ARB2A: variants seen among roughly 807,000 people sequenced by gnomAD.
The protein encoded by ARB2A is ARB2 cotranscriptional regulator A, also known as cotranscriptional regulator ARB2A.
At chr5:93,622,730 G>A in the ARB2A span, among the ~76,000 whole-genome samples, 1 of 152,240 alleles carries the variant, frequency 6.6e-6, no homozygotes, top group East Asian at 1.9e-4. Flanking sequence ...CATTTTATTT[G>A]CTTACTCATT....
At chr5:93,730,081 G>C in the ARB2A span, among the ~76,000 whole-genome samples, 1 of 152,082 alleles carries the variant, frequency 6.6e-6, no homozygotes, top group African/African-American at 2.4e-5. Flanking sequence ...AAGAAACTCA[G>C]TTTAAAAATA....
chr5:93,659,536 G>C, the ARB2A span, among the ~76,000 whole-genome samples: 1 of 152,172 alleles, frequency 6.6e-6, no homozygotes, highest in East Asian at 1.9e-4. Flanking sequence ...GTCTTGATCA[G>C]ACAGAAAAAA....
chr5:93,880,639 T>A, the ARB2A span, among the ~76,000 whole-genome samples: 2 of 151,744 alleles, frequency 1.3e-5, no homozygotes, highest in African/African-American at 4.8e-5. Context: ...ACTTCTAGCA[T>A]CCATAATAAG....
the ARB2A span, among the ~76,000 whole-genome samples, chr5:93,682,310 CT>C: frequency 4.0e-5 from 6 of 150,666 alleles, no homozygotes; most frequent in South Asian, 1.1e-3. Flanking sequence ...ATGTGTGTGG[CT>C]TACTAATATT....
the ARB2A span, among the ~76,000 whole-genome samples, chr5:93,897,157 C>T: frequency 6.6e-6 from 1 of 151,746 alleles, no homozygotes. Context: ...CAGGAGTGTC[C>T]AAAATATCCC....
At chr5:93,996,345 G>A in the ARB2A span, among the ~76,000 whole-genome samples, 1 of 151,828 alleles carries the variant, frequency 6.6e-6, no homozygotes, top group African/African-American at 2.4e-5. Flanking sequence ...ATATAAATAC[G>A]GACAAATAAT....
the ARB2A span, among the ~76,000 whole-genome samples, chr5:93,875,186 C>T: frequency 2.6e-5 from 4 of 151,994 alleles, no homozygotes; most frequent in South Asian, 6.2e-4. Flanking sequence ...AACTTGAGGT[C>T]ACACTATATT....
At chr5:94,067,949 C>T in the ARB2A span, among the ~76,000 whole-genome samples, 2 of 152,160 alleles carry the variant, frequency 1.3e-5, no homozygotes, top group African/African-American at 4.8e-5. Context: ...ACCAAAACAG[C>T]ATAATATTAT....
the ARB2A span, among the ~76,000 whole-genome samples, chr5:93,947,390 T>C: frequency 6.6e-6 from 1 of 152,280 alleles, no homozygotes; most frequent in East Asian, 1.9e-4. Flanking sequence ...CCCTACCTGG[T>C]ACCTTTAGCA....
the ARB2A span, among the ~76,000 whole-genome samples, chr5:93,785,850 C>T: frequency 1.3e-5 from 2 of 152,178 alleles, no homozygotes; most frequent in African/African-American, 4.8e-5. Flanking sequence ...TTTAATACTT[C>T]ACATGAATTA....
the ARB2A span, among the ~76,000 whole-genome samples, chr5:94,009,229 C>T: frequency 6.6e-6 from 1 of 152,058 alleles, no homozygotes; most frequent in South Asian, 2.1e-4. Context: ...TATTCAGAAA[C>T]AAGCATTTAC....
At chr5:93,743,549 T>C in the ARB2A span, 1 of 985,330 alleles carries the variant, frequency 1.0e-6, no homozygotes, top group Non-Finnish European at 1.2e-6. Context: ...GCTATTTTTT[T>C]CAAAATCACG....
chr5:93,836,184 C>T, the ARB2A span, among the ~76,000 whole-genome samples: 45 of 152,252 alleles, frequency 3.0e-4, 1 homozygote, highest in African/African-American at 9.6e-4. Context: ...CCCCCCACCA[C>T]GCCCGGCTAA....
the ARB2A span, among the ~76,000 whole-genome samples, chr5:93,774,052 A>C: frequency 2.0e-5 from 3 of 152,212 alleles, no homozygotes; most frequent in East Asian, 1.9e-4. Flanking sequence ...CTGGAATTAC[A>C]GGTATGAGCC....
chr5:94,102,701 G>A, the ARB2A span, among the ~76,000 whole-genome samples: 1 of 151,988 alleles, frequency 6.6e-6, no homozygotes, highest in Non-Finnish European at 1.5e-5. Context: ...CAACCATGCT[G>A]AAGACAAATA....
the ARB2A span, among the ~76,000 whole-genome samples, chr5:93,875,897 C>G: frequency 6.6e-6 from 1 of 151,458 alleles, no homozygotes; most frequent in Admixed American, 6.6e-5. Context: ...CCCTTGTGGT[C>G]TAAGGGGAAA....
At chr5:93,630,574 G>A in the ARB2A span, among the ~76,000 whole-genome samples, 3 of 152,132 alleles carry the variant, frequency 2.0e-5, no homozygotes, top group Non-Finnish European at 4.4e-5. Flanking sequence ...TTTCTGCCAA[G>A]TAACTCTCAT....
At chr5:94,001,528 T>C in the ARB2A span, among the ~76,000 whole-genome samples, 260 of 152,220 alleles carry the variant, frequency 1.7e-3, 1 homozygote, top group Non-Finnish European at 3.1e-3. Flanking sequence ...TTCTTTTTGC[T>C]TTTTAGTTTT....
At chr5:94,031,096 T>G in the ARB2A span, among the ~76,000 whole-genome samples, 1 of 152,210 alleles carries the variant, frequency 6.6e-6, no homozygotes, top group Admixed American at 6.5e-5. Flanking sequence ...TACTGGGTAG[T>G]GAGGTGTTTC....
Sources: gnomAD v4.1 joint callset for allele counts (sites outside exome capture counted in the v4.1 genomes callset) on GRCh38, gnomAD v4.1.1 for gene constraint, MANE v1.5 for transcripts, NCBI Gene and HGNC (gene_info 2026-07-23, HGNC 2026-07-21) for gene names.